The following SH3GL3 variants were observed in gnomAD, a reference collection of about 807,000 sequenced individuals.
SH3GL3 encodes the protein SH3 domain containing GRB2 like 3, endophilin A3.
Under a neutral mutation model 47.7 loss-of-function variants are expected in SH3GL3, and 33 were observed. The observed-to-expected ratio is 0.69, with a 90% CI of 0.52 to 0.92. The LOEUF is 0.92. SH3GL3 is among the 40% of genes least tolerant of loss of function. SH3GL3 has a pLI of 0.00. For missense variants in SH3GL3, 363 were observed against 417.8 expected (o/e 0.87, Z 1.14); for synonymous variants, 155 against 148.8 (o/e 1.04, Z -0.30).
intron 1 of SH3GL3, among the ~76,000 whole-genome samples, chr15:83,471,985 G>A (rs576940822): frequency 1.3e-5 from 2 of 152,220 alleles, no homozygotes; most frequent in Admixed American, 1.3e-4. Context: ...TCAGGTTCAA[G>A]TGATTCTCCT....
At chr15:83,590,005 T>C (rs557114667) in intron 8 of SH3GL3, among the ~76,000 whole-genome samples, 79 of 152,334 alleles carry the variant, frequency 5.2e-4, no homozygotes, top group African/African-American at 1.8e-3. Context: ...CAGTCTTAAT[T>C]TGCATTTTCA....
At chr15:83,480,584 C>T (rs1370244823) in intron 1 of SH3GL3, among the ~76,000 whole-genome samples, 2 of 152,174 alleles carry the variant, frequency 1.3e-5, no homozygotes, top group Admixed American at 1.3e-4. Flanking sequence ...GGAAGTTCAG[C>T]CAGCCCTTAG....
chr15:83,518,188 C>T (rs935488529), intron 1 of SH3GL3, among the ~76,000 whole-genome samples: 4 of 152,148 alleles, frequency 2.6e-5, no homozygotes, highest in East Asian at 1.9e-4. Flanking sequence ...AATAGTGCTA[C>T]GAATGAACAT....
intron 3 of SH3GL3, among the ~76,000 whole-genome samples, chr15:83,566,395 T>A (rs2045547354): frequency 1.3e-5 from 2 of 151,066 alleles, no homozygotes; most frequent in South Asian, 2.1e-4. Context: ...TGTGTGTGTG[T>A]GTGTGTGTGT....
chr15:83,534,771 T>A (rs929340372), intron 1 of SH3GL3, among the ~76,000 whole-genome samples: 2 of 152,308 alleles, frequency 1.3e-5, no homozygotes, highest in African/African-American at 4.8e-5. Context: ...AGGAATAGAA[T>A]GACCCTCAAA....
chr15:83,572,726 TG>T (rs774944161), intron 5 of SH3GL3, 28 bp downstream of exon 5: 4 of 1,507,476 alleles, frequency 2.7e-6, no homozygotes, highest in Non-Finnish European at 3.7e-6. Context: ...TAAATATACC[TG>T]TTGCTACATA....
At chr15:83,485,173 C>T (rs1057477624) in intron 1 of SH3GL3, among the ~76,000 whole-genome samples, 2 of 152,170 alleles carry the variant, frequency 1.3e-5, no homozygotes, top group African/African-American at 4.8e-5. Context: ...TATGATGAAC[C>T]ATGCAAACTG....
intron 1 of SH3GL3, among the ~76,000 whole-genome samples, chr15:83,557,524 T>G (rs2045023363): frequency 6.6e-6 from 1 of 152,204 alleles, no homozygotes; most frequent in Non-Finnish European, 1.5e-5. Context: ...CAATACCGTT[T>G]ATTGGACTCC....
At chr15:83,578,795 C>T (rs867775990) in intron 6 of SH3GL3, among the ~76,000 whole-genome samples, 20 of 151,842 alleles carry the variant, frequency 1.3e-4, no homozygotes, top group Admixed American at 7.9e-4. Flanking sequence ...TTCAGATTGC[C>T]GTATTGTTTT....
chr15:83,469,033 C>G (rs2040713806), intron 1 of SH3GL3, among the ~76,000 whole-genome samples: 1 of 151,946 alleles, frequency 6.6e-6, no homozygotes. Flanking sequence ...TTCAAATTAT[C>G]TGTTTTTTAT....
At chr15:83,614,812 C>A (rs1596356854) in intron 8 of SH3GL3, among the ~76,000 whole-genome samples, 1 of 152,106 alleles carries the variant, frequency 6.6e-6, no homozygotes. Context: ...TAATATAATC[C>A]TTCTCACAAC....
At chr15:83,523,977 A>G (rs1314209372) in intron 1 of SH3GL3, among the ~76,000 whole-genome samples, 1 of 152,052 alleles carries the variant, frequency 6.6e-6, no homozygotes, top group Non-Finnish European at 1.5e-5. Context: ...ACAGACAGCA[A>G]AAACCCAGAG....
intron 1 of SH3GL3, among the ~76,000 whole-genome samples, chr15:83,492,250 C>T (rs60711848): frequency 0.18 from 23,169 of 129,300 alleles, 2,484 homozygotes; most frequent in South Asian, 0.46. Context: ...CACTGTACTG[C>T]AGCCTGGTGA....
intron 1 of SH3GL3, among the ~76,000 whole-genome samples, chr15:83,558,434 C>T (rs1168480321): frequency 6.6e-6 from 1 of 151,932 alleles, no homozygotes; most frequent in African/African-American, 2.4e-5. Context: ...GCACATTGGC[C>T]ATACACAAAT....
intron 8 of SH3GL3, among the ~76,000 whole-genome samples, chr15:83,591,821 G>C (rs1178022726): frequency 1.3e-5 from 2 of 152,218 alleles, no homozygotes; most frequent in African/African-American, 4.8e-5. Context: ...GAGTAGCTGA[G>C]ACTACAGGCG....
intron 1 of SH3GL3, among the ~76,000 whole-genome samples, chr15:83,509,407 C>T (rs1385655602): frequency 6.6e-6 from 1 of 152,174 alleles, no homozygotes; most frequent in Middle Eastern, 3.2e-3. Flanking sequence ...GTTGCTGTGG[C>T]TTTCTGGCTT....
chr15:83,545,125 T>A (rs551727080), intron 1 of SH3GL3, among the ~76,000 whole-genome samples: 1 of 152,328 alleles, frequency 6.6e-6, no homozygotes, highest in African/African-American at 2.4e-5. Flanking sequence ...GCTGATCTCA[T>A]TCTCTACCTC....
intron 1 of SH3GL3, among the ~76,000 whole-genome samples, chr15:83,526,662 A>G (rs1408812437): frequency 4.6e-5 from 7 of 152,262 alleles, no homozygotes; most frequent in Non-Finnish European, 5.9e-5. Context: ...TGGGCCTTCC[A>G]GAGGGTGGAG....
intron 1 of SH3GL3, among the ~76,000 whole-genome samples, chr15:83,498,255 A>G (rs556201410): frequency 2.0e-5 from 3 of 152,254 alleles, no homozygotes; most frequent in South Asian, 2.1e-4. Context: ...ACCAGCCTTC[A>G]TCTTTGGGCA....
Sources: allele counts gnomAD v4.1 joint callset (sites outside exome capture counted in the v4.1 genomes callset), GRCh38; gene constraint gnomAD v4.1.1; transcripts MANE v1.5; gene names NCBI Gene and HGNC (gene_info 2026-07-23, HGNC 2026-07-21).